The following IPCEF1 variants were observed in gnomAD, a reference collection of about 807,000 sequenced individuals.
The protein encoded by IPCEF1 is interaction protein for cytohesin exchange factors 1.
Under a neutral mutation model 50.9 loss-of-function variants are expected in IPCEF1, and 31 were observed. The observed-to-expected ratio is 0.61, with a 90% CI of 0.46 to 0.82. The LOEUF (loss-of-function observed/expected upper bound fraction) is 0.82, where lower values mean the gene tolerates loss of function less well. IPCEF1 is among the 40% of genes least tolerant of loss of function. The pLI, the probability that IPCEF1 is intolerant of heterozygous loss-of-function variation, is 0.00. For missense variants in IPCEF1, 458 were observed against 514.0 expected, an observed-to-expected ratio of 0.89 and a Z score of 1.05; for synonymous variants, 181 against 192.0, an observed-to-expected ratio of 0.94 and a Z score of 0.47.
chr6:154,181,871 A>C (rs1800907163), intron 10 of IPCEF1, among the ~76,000 whole-genome samples: 1 of 152,202 alleles, frequency 6.6e-6, no homozygotes, highest in African/African-American at 2.4e-5. Flanking sequence ...AGAAGGTAAT[A>C]ATCATAAATA....
intron 5 of IPCEF1, among the ~76,000 whole-genome samples, chr6:154,225,640 G>A (rs1390786487): frequency 6.6e-6 from 1 of 152,126 alleles, no homozygotes; most frequent in African/African-American, 2.4e-5. Context: ...TTCCTTTTGG[G>A]GTGATGAAAA....
At chr6:154,181,144 A>C (rs1308773622) in intron 10 of IPCEF1, among the ~76,000 whole-genome samples, 1 of 152,186 alleles carries the variant, frequency 6.6e-6, no homozygotes, top group Admixed American at 6.5e-5. Context: ...ACATAGCAAA[A>C]GATTTGAAAT....
At chr6:154,188,083 C>A (rs1801540286) in intron 10 of IPCEF1, among the ~76,000 whole-genome samples, 1 of 152,132 alleles carries the variant, frequency 6.6e-6, no homozygotes, top group South Asian at 2.1e-4. Flanking sequence ...AAACCATTAT[C>A]ATTTGTAGAA....
chr6:154,164,912 T>G (rs1373822432), intron 11 of IPCEF1, among the ~76,000 whole-genome samples: 1 of 152,216 alleles, frequency 6.6e-6, no homozygotes. Flanking sequence ...CAAGTTCAAC[T>G]TGGAAGTTTG....
At chr6:154,202,290 C>T (rs955385521) in intron 9 of IPCEF1, among the ~76,000 whole-genome samples, 1 of 152,192 alleles carries the variant, frequency 6.6e-6, no homozygotes, top group Admixed American at 6.5e-5. Flanking sequence ...ACCTTGTAAA[C>T]TGGTTACCTT....
chr6:154,265,880 C>T (rs1462712402), intron 3 of IPCEF1, 32 bp downstream of exon 3: 1 of 1,517,182 alleles, frequency 6.6e-7, no homozygotes, highest in Non-Finnish European at 9.0e-7. Flanking sequence ...CTGACAATAT[C>T]TAAAGCCTGG....
chr6:154,319,626 C>G (rs762547980), intron 1 of IPCEF1, among the ~76,000 whole-genome samples: 1 of 152,178 alleles, frequency 6.6e-6, no homozygotes, highest in East Asian at 1.9e-4. Flanking sequence ...TGTGTCATGT[C>G]TTATTTTTAT....
At chr6:154,309,913 G>A (rs558197437) in intron 1 of IPCEF1, among the ~76,000 whole-genome samples, 22 of 151,912 alleles carry the variant, frequency 1.4e-4, no homozygotes, top group African/African-American at 5.1e-4. Context: ...ACAGGCGCAT[G>A]CCACCACGCC....
chr6:154,337,683 A>G (rs1783816872), intron 1 of IPCEF1, among the ~76,000 whole-genome samples: 2 of 152,222 alleles, frequency 1.3e-5, no homozygotes, highest in African/African-American at 4.8e-5. Flanking sequence ...AGGAGGGAGG[A>G]ACCAGGTTGG....
intron 5 of IPCEF1, among the ~76,000 whole-genome samples, chr6:154,245,950 T>C (rs953814277): frequency 2.0e-5 from 3 of 152,336 alleles, no homozygotes; most frequent in African/African-American, 7.2e-5. Flanking sequence ...GTATACCGAC[T>C]TTTTAAGGAA....
intron 3 of IPCEF1, among the ~76,000 whole-genome samples, chr6:154,258,278 C>T (rs1781511164): frequency 6.6e-6 from 1 of 152,114 alleles, no homozygotes; most frequent in Non-Finnish European, 1.5e-5. Context: ...TTTTTATCCT[C>T]CTGTTCACAG....
At chr6:154,197,751 G>C (rs1421019911) in intron 10 of IPCEF1, among the ~76,000 whole-genome samples, 1 of 152,160 alleles carries the variant, frequency 6.6e-6, no homozygotes, top group Non-Finnish European at 1.5e-5. Flanking sequence ...TCAACCTCCA[G>C]GGTTATCTCT....
intron 1 of IPCEF1, among the ~76,000 whole-genome samples, chr6:154,356,233 T>C (rs891727741): frequency 1.3e-5 from 2 of 152,158 alleles, no homozygotes; most frequent in Non-Finnish European, 2.9e-5. Flanking sequence ...GCCTGAGACC[T>C]TTATCAAAGT....
chr6:154,187,364 C>G (rs1204462407), intron 10 of IPCEF1, among the ~76,000 whole-genome samples: 1 of 152,218 alleles, frequency 6.6e-6, no homozygotes, highest in African/African-American at 2.4e-5. Flanking sequence ...CCCTACCAGT[C>G]TCTCCCCTCA....
At chr6:154,352,192 A>C (rs374303866) in intron 1 of IPCEF1, among the ~76,000 whole-genome samples, 16 of 152,376 alleles carry the variant, frequency 1.1e-4, no homozygotes, top group African/African-American at 2.9e-4. Flanking sequence ...TGTAAATGTA[A>C]ACTAAAAGGT....
At chr6:154,183,043 G>A (rs968075530) in intron 10 of IPCEF1, among the ~76,000 whole-genome samples, 16 of 151,898 alleles carry the variant, frequency 1.1e-4, no homozygotes, top group Admixed American at 3.9e-4. Context: ...GCAGTGGTGT[G>A]ATCTCAGCTC....
intron 3 of IPCEF1, chr6:154,247,689 GAAA>G: frequency 5.1e-5 from 18 of 355,594 alleles, no homozygotes; most frequent in South Asian, 6.9e-5. Flanking sequence ...AGCTGAACCT[GAAA>G]AAAAAAAAAA....
chr6:154,264,770 C>G (rs1781711590), intron 3 of IPCEF1, among the ~76,000 whole-genome samples: 1 of 152,124 alleles, frequency 6.6e-6, no homozygotes, highest in Non-Finnish European at 1.5e-5. Context: ...TCTTCATTGC[C>G]TTTTCAATTT....
chr6:154,229,259 TTGAA>T (rs1218464394), intron 5 of IPCEF1, among the ~76,000 whole-genome samples: 3 of 152,214 alleles, frequency 2.0e-5, no homozygotes, highest in African/African-American at 7.2e-5. Flanking sequence ...AATACATTTT[TTGAA>T]TGAATGAATG....
Sources: gnomAD v4.1 joint callset for allele counts (sites outside exome capture counted in the v4.1 genomes callset) on GRCh38, gnomAD v4.1.1 for gene constraint, MANE v1.5 for transcripts, NCBI Gene and HGNC (gene_info 2026-07-23, HGNC 2026-07-21) for gene names.